OSBPL5: variants seen among roughly 807,000 people sequenced by gnomAD.
The protein encoded by OSBPL5 is oxysterol binding protein like 5, also known as oxysterol-binding protein-related protein 5.
OSBPL5 carries 71 observed loss-of-function variants against 111.2 expected under a neutral mutation model. The observed-to-expected ratio is 0.64, with a 90% CI of 0.53 to 0.78. OSBPL5 has a LOEUF of 0.78. OSBPL5 is among the 30% of genes least tolerant of loss of function. The pLI, the probability that OSBPL5 is intolerant of heterozygous loss-of-function variation, is 0.00. For synonymous variants in OSBPL5, 549 were observed against 513.9 expected (o/e 1.07, Z -0.93); for missense variants, 1,210 against 1,189.3 (o/e 1.02, Z -0.26).
chr11:3,122,120 T>A, intron 4 of OSBPL5, 22 bp from the exon 5 acceptor site: 1 of 1,544,256 alleles, frequency 6.5e-7, no homozygotes, highest in Non-Finnish European at 8.7e-7. Context: ...GCACCCGCGG[T>A]GGGTCATGGG....
rs77114288 is a variant in OSBPL5, at chr11:3,103,888, A to T, written c.1244+305T>A. Among the ~76,000 whole-genome samples, 524 of 102,822 alleles carry T rather than the reference A, an allele frequency of 5.1e-3. 8 individuals carry two copies. Among genetic ancestry groups the T allele is most frequent in the Non-Finnish European group, 6.9e-3 (355 of 51,556 alleles). The allele number at this position is 102,822 out of a possible 152,430, so 67.5% of individuals were successfully genotyped here. A position where few individuals can be genotyped will look rare whatever the true frequency, so the allele number is the denominator to read the frequency against. On this transcript the variant is annotated intron_variant, in intron 10 of 21. Transcript: ENST00000263650. Reference sequence around the variant, plus strand: ...GCCCCCTTCCTGCCTCTGTAGCCCCATTCCTGCCTCTGCAGCCCCCTTCCT... The same window carrying T: ...GCCCCCTTCCTGCCTCTGTAGCCCCTTTCCTGCCTCTGCAGCCCCCTTCCT...
intron 19 of OSBPL5, among the ~76,000 whole-genome samples, chr11:3,091,250 G>A (rs1857045516): frequency 6.6e-6 from 1 of 152,258 alleles, no homozygotes; most frequent in Non-Finnish European, 1.5e-5. Flanking sequence ...CCCAGGACAG[G>A]AACTGATGCT....
At chr11:3,157,857 T>A (rs1001133613) in intron 1 of OSBPL5, among the ~76,000 whole-genome samples, 2 of 152,186 alleles carry the variant, frequency 1.3e-5, no homozygotes, top group Admixed American at 1.3e-4. Flanking sequence ...CTGCACTTGG[T>A]GCAGGGACGA....
chr11:3,124,311 G>A (rs1858523879), intron 3 of OSBPL5, among the ~76,000 whole-genome samples: 1 of 152,138 alleles, frequency 6.6e-6, no homozygotes, highest in Non-Finnish European at 1.5e-5. Flanking sequence ...GGGGTGCCTG[G>A]GGGGCTCTGA....
rs944155332 is a variant in OSBPL5 at position 3,105,710 on chromosome 11, G to A, written c.1060-1333C>T. Among the ~76,000 whole-genome samples the A allele has an allele frequency of 5.3e-5, 8 of 152,058 alleles. No individual in the cohort carries two copies. The highest frequency in any genetic ancestry group is 1.9e-4 in the African/African-American group (8 of 41,412). On this transcript the variant is annotated intron_variant, in intron 9 of 21. Transcript: ENST00000263650. This position sits in a 1 kb window ranked among gnomAD's most constrained non-coding sequence, Gnocchi z 5.2. Reference sequence around the variant, plus strand: ...CCTCCCACCTCCCTGCCCCACCTCTGTGAAGCCTTATCTGTGCTCGGCCTC... The same window carrying A: ...CCTCCCACCTCCCTGCCCCACCTCTATGAAGCCTTATCTGTGCTCGGCCTC...
intron 19 of OSBPL5, among the ~76,000 whole-genome samples, chr11:3,091,117 G>A (rs895273325): frequency 3.9e-5 from 6 of 152,244 alleles, no homozygotes; most frequent in African/African-American, 1.4e-4. Context: ...ACCCCAGATG[G>A]CTAGGGTTCC....
chr11:3,094,305 G>C lies in OSBPL5; in HGVS notation c.1651C>G (p.Leu551Val). The C allele has an allele frequency of 6.2e-7, 1 of 1,613,536 alleles. No homozygotes were observed. Among genetic ancestry groups the C allele is most frequent in the Non-Finnish European group, 8.5e-7 (1 of 1,179,930 alleles). The change falls in exon 15 of 22, where the codon CTG (leucine) becomes GTG (valine). Residue 551 changes from leucine (L) to valine (V), a missense_variant. Transcript: ENST00000263650. ...GILYGTMTLE[L>V]GGKVTIECAK... Reference sequence around the variant, plus strand: ...CACTCGATGGTGACCTTCCCACCCAGCTCCAGGGTCATCGTGCCATACAGG... The same window carrying C: ...CACTCGATGGTGACCTTCCCACCCACCTCCAGGGTCATCGTGCCATACAGG...
chr11:3,103,800 GCAGCCCTCTTC>G (rs1564830270), intron 10 of OSBPL5, among the ~76,000 whole-genome samples: 2 of 43,036 alleles, frequency 4.6e-5, no homozygotes, highest in African/African-American at 1.2e-4. Flanking sequence ...TCCTGCCTCT[GCAGCCCTCTTC>G]CTGCCTGCGC....
At position 3,140,015 on chromosome 11, in the gene OSBPL5, T is replaced by A. The variant is rs1846057577; in HGVS notation, c.-21-10846A>T. ...GCTCTGAGAAGCCAGCCTCACAAGA[T>A]CATTCATCGCAAGCTCTGGGCCCAC... On this transcript the variant is annotated intron_variant, in intron 1 of 21. Transcript: ENST00000263650. This position sits in a 1 kb window ranked among gnomAD's most constrained non-coding sequence, Gnocchi z 4.5. 6.6e-6 allele frequency among the ~76,000 whole-genome samples: 1 copy of A among 152,156 alleles called. No homozygotes were observed. Among genetic ancestry groups the A allele is most frequent in the Admixed American group, 6.5e-5 (1 of 15,290 alleles).
Position 3,131,709 on chromosome 11 carries a change from T to TCCATCCTC in OSBPL5, c.-21-2541_-21-2540insGAGGATGG, listed in dbSNP as rs1400938628. Among the ~76,000 whole-genome samples, 29 of 134,118 alleles carry TCCATCCTC rather than the reference T, an allele frequency of 2.2e-4. 1 individual carries two copies. Among genetic ancestry groups the TCCATCCTC allele is most frequent in the South Asian group, 5.2e-4 (2 of 3,848 alleles). 88.0% of individuals were successfully genotyped at this position (134,118 alleles called of 152,430 possible). The stretch of plus-strand genomic sequence containing the variant: ...ACCCACCCATTCATCTATCCATCCA[T>TCCATCCTC]CCATCCATCCATCCATCCATCCATC... On this transcript the variant is annotated intron_variant, in intron 1 of 21. Coordinates refer to ENST00000263650, the MANE Select transcript of OSBPL5 (RefSeq NM_020896.4).
At position 3,092,632 on chromosome 11, in the gene OSBPL5, C is replaced by A. The variant is rs781339413; in HGVS notation, c.2133-74G>T. ...GAGGGGGCTGTCCTGGCCCAGTCTT[C>A]AGCCCCCCAACAGTGGCCAGAGACC... On this transcript the variant is annotated intron_variant, in intron 18 of 21. Transcript: ENST00000263650. This position sits in a 1 kb window ranked among gnomAD's most constrained non-coding sequence, Gnocchi z 5.4. 1.0e-5 allele frequency: 15 copies of A among 1,474,748 alleles called. No individual in the cohort carries two copies. Among genetic ancestry groups the A allele is most frequent in the Non-Finnish European group, 1.3e-5 (14 of 1,101,748 alleles). The allele number at this position is 1,474,748 out of a possible 1,614,324, so 91.4% of individuals were successfully genotyped here.
In OSBPL5 at chr11:3,107,590, C is replaced by T. The variant is rs1564834058; in HGVS notation, c.867-135G>A. On this transcript the variant is annotated intron_variant, in intron 8 of 21. Transcript: ENST00000263650. The surrounding 1 kb of genome is among the most constrained non-coding windows in gnomAD (Gnocchi z 6.1). ...CGTCACCTCCACAACCCACATTTGA[C>T]ACGATCAGCCCCGTTTTAGAGGAAG... 5 of 1,357,608 alleles carry T rather than the reference C, an allele frequency of 3.7e-6. No individual in the cohort carries two copies. Among genetic ancestry groups the T allele is most frequent in the Admixed American group, 1.9e-5 (1 of 51,338 alleles). The allele number at this position is 1,357,608 out of a possible 1,614,324, so 84.1% of individuals were successfully genotyped here. A position where few individuals can be genotyped will look rare whatever the true frequency, so the allele number is the denominator to read the frequency against.
chr11:3,098,506 T>TTTTTTTTTTC (rs1857351533), intron 14 of OSBPL5, among the ~76,000 whole-genome samples: 1 of 140,012 alleles, frequency 7.1e-6, no homozygotes, highest in Non-Finnish European at 1.5e-5. Flanking sequence ...TTTTTTTTTT[T>TTTTTTTTTTC]TTTTTTTTTT....
rs573923980 is a variant in OSBPL5 at position 3,109,379 on chromosome 11, TAGTA to T, written c.692-1438_692-1435del. Among the ~76,000 whole-genome samples, 31 of 152,046 alleles carry T rather than the reference TAGTA, an allele frequency of 2.0e-4. No homozygotes were observed. The highest frequency in any genetic ancestry group is 4.4e-4 in the Non-Finnish European group (30 of 68,016). On this transcript the variant is annotated intron_variant, in intron 7 of 21. Coordinates refer to ENST00000263650, the MANE Select transcript of OSBPL5 (RefSeq NM_020896.4). The surrounding 1 kb of genome is among the most constrained non-coding windows in gnomAD (Gnocchi z 7.4). ...GTGTGAGCCACTGTGCCTGGGCTGT[TAGTA>T]AGTGTTATTCAAAGAAAGCCTCCTG...
intron 2 of OSBPL5, among the ~76,000 whole-genome samples, chr11:3,127,618 G>C (rs1026761547): frequency 3.9e-5 from 6 of 152,246 alleles, no homozygotes; most frequent in African/African-American, 1.4e-4. Flanking sequence ...GGAGTGCTGG[G>C]GGGAGGCTAG....
chr11:3,131,180 T>G (rs868540463), intron 1 of OSBPL5, among the ~76,000 whole-genome samples: 1 of 152,168 alleles, frequency 6.6e-6, no homozygotes, highest in Non-Finnish European at 1.5e-5. Flanking sequence ...GGTACCTTTC[T>G]GCTCAGATAC....
chr11:3,160,165 T>C (rs957210150), intron 1 of OSBPL5, among the ~76,000 whole-genome samples: 1 of 151,888 alleles, frequency 6.6e-6, no homozygotes, highest in Non-Finnish European at 1.5e-5. Flanking sequence ...GGGGTGGGGG[T>C]GAGGTTCATC....
chr11:3,128,834 C>A (rs1362785115), intron 2 of OSBPL5, among the ~76,000 whole-genome samples, 179 bp downstream of exon 2: 3 of 152,170 alleles, frequency 2.0e-5, no homozygotes, highest in African/African-American at 7.2e-5. Context: ...GCAGGTCAAG[C>A]CAAGAAGCCG....
At chr11:3,103,773 C>T (rs1452594870) in intron 10 of OSBPL5, among the ~76,000 whole-genome samples, 2 of 73,128 alleles carry the variant, frequency 2.7e-5, no homozygotes, top group African/African-American at 7.6e-5. Flanking sequence ...AGCCCCCTTC[C>T]AGCCTCTGCA....
Sources: gnomAD v4.1 joint callset for allele counts (sites outside exome capture counted in the v4.1 genomes callset) on GRCh38, gnomAD v4.1.1 for gene constraint, Gnocchi (gnomAD v3.1) non-coding constraint, MANE v1.5 for transcripts, NCBI Gene and HGNC (gene_info 2026-07-23, HGNC 2026-07-21) for gene names.